The following ENTREP2 variants were observed in gnomAD, a reference collection of about 807,000 sequenced individuals.
ENTREP2 encodes the protein endosomal transmembrane epsin interactor 2, also known as protein ENTREP2.
chr15:29,293,507 T>C, the ENTREP2 span, among the ~76,000 whole-genome samples: 1,190 of 152,086 alleles, frequency 7.8e-3, 10 homozygotes, highest in African/African-American at 0.023. Flanking sequence ...CCGCCCGCCT[T>C]GGCCTCCCAA....
At chr15:29,124,859 G>T in the ENTREP2 span, 1 of 1,048,538 alleles carries the variant, frequency 9.5e-7, no homozygotes, top group Non-Finnish European at 1.4e-6. Context: ...TTTAGATGGC[G>T]AGCAAGCAGG....
chr15:29,606,775 T>G, the ENTREP2 span, among the ~76,000 whole-genome samples: 1 of 152,122 alleles, frequency 6.6e-6, no homozygotes, highest in South Asian at 2.1e-4. Context: ...GGATATATCT[T>G]GACAGCAGTC....
the ENTREP2 span, among the ~76,000 whole-genome samples, chr15:29,413,529 G>A: frequency 6.6e-6 from 1 of 152,114 alleles, no homozygotes; most frequent in African/African-American, 2.4e-5. Flanking sequence ...TATTAAAATG[G>A]CTCTGCCAAT....
chr15:29,155,150 C>T, the ENTREP2 span, among the ~76,000 whole-genome samples: 4 of 151,972 alleles, frequency 2.6e-5, no homozygotes, highest in African/African-American at 9.7e-5. Flanking sequence ...GGCGTGGTGG[C>T]CGGCGCCTGT....
At chr15:29,540,340 A>C in the ENTREP2 span, among the ~76,000 whole-genome samples, 1 of 152,100 alleles carries the variant, frequency 6.6e-6, no homozygotes, top group African/African-American at 2.4e-5. Context: ...ATTAGAACTT[A>C]TTTTTTTCTA....
the ENTREP2 span, among the ~76,000 whole-genome samples, chr15:29,428,307 G>A: frequency 6.6e-6 from 1 of 152,090 alleles, no homozygotes; most frequent in African/African-American, 2.4e-5. Flanking sequence ...GCTGCCCCAT[G>A]GGTTCAAGCG....
At chr15:29,274,879 T>G in the ENTREP2 span, among the ~76,000 whole-genome samples, 1 of 152,298 alleles carries the variant, frequency 6.6e-6, no homozygotes, top group East Asian at 1.9e-4. Flanking sequence ...TTATATTTGG[T>G]TGAACAAAGA....
chr15:29,573,658 C>CCTCT, the ENTREP2 span, among the ~76,000 whole-genome samples: 1 of 146,702 alleles, frequency 6.8e-6, no homozygotes, highest in Non-Finnish European at 1.5e-5. Flanking sequence ...TCTCTCTCTC[C>CCTCT]CTCTCTCTCT....
At chr15:29,334,053 A>G in the ENTREP2 span, among the ~76,000 whole-genome samples, 1 of 152,202 alleles carries the variant, frequency 6.6e-6, no homozygotes. Flanking sequence ...CACGCTGCCA[A>G]CACCTTGATC....
chr15:29,309,927 T>C, the ENTREP2 span, among the ~76,000 whole-genome samples: 1 of 152,094 alleles, frequency 6.6e-6, no homozygotes, highest in Non-Finnish European at 1.5e-5. Flanking sequence ...GACCTGGGCA[T>C]AGGACTGAGA....
At chr15:29,362,660 C>T in the ENTREP2 span, among the ~76,000 whole-genome samples, 3 of 152,092 alleles carry the variant, frequency 2.0e-5, no homozygotes, top group African/African-American at 7.2e-5. Flanking sequence ...CAGGCATGAG[C>T]CACCGCGTCC....
chr15:29,333,827 G>C, the ENTREP2 span, among the ~76,000 whole-genome samples: 1 of 152,038 alleles, frequency 6.6e-6, no homozygotes, highest in South Asian at 2.1e-4. Flanking sequence ...TATGACAGTA[G>C]GGGAGGCCCG....
chr15:29,463,858 T>C, the ENTREP2 span, among the ~76,000 whole-genome samples: 1 of 152,086 alleles, frequency 6.6e-6, no homozygotes, highest in Non-Finnish European at 1.5e-5. Context: ...AGACACACCA[T>C]GGAATATTAT....
the ENTREP2 span, among the ~76,000 whole-genome samples, chr15:29,349,425 G>C: frequency 6.6e-6 from 1 of 152,132 alleles, no homozygotes; most frequent in Non-Finnish European, 1.5e-5. Flanking sequence ...AATGAATTTT[G>C]GCTTTTTGCA....
At chr15:29,357,577 C>T in the ENTREP2 span, among the ~76,000 whole-genome samples, 1 of 152,134 alleles carries the variant, frequency 6.6e-6, no homozygotes, top group Non-Finnish European at 1.5e-5. Flanking sequence ...GTGGCTCACG[C>T]CTGTAATCCC....
the ENTREP2 span, among the ~76,000 whole-genome samples, chr15:29,300,807 C>T: frequency 6.6e-6 from 1 of 152,164 alleles, no homozygotes; most frequent in Non-Finnish European, 1.5e-5. Flanking sequence ...ACCATGTTAG[C>T]CAGACAGTCT....
the ENTREP2 span, among the ~76,000 whole-genome samples, chr15:29,343,441 C>T: frequency 6.6e-6 from 1 of 152,256 alleles, no homozygotes; most frequent in South Asian, 2.1e-4. Context: ...GAGTTTCCAG[C>T]CTGCAGAATT....
the ENTREP2 span, among the ~76,000 whole-genome samples, chr15:29,550,265 C>G: frequency 1.4e-4 from 22 of 151,988 alleles, no homozygotes; most frequent in Non-Finnish European, 2.6e-4. Flanking sequence ...CTTCCTAACA[C>G]TCACACAAAA....
At chr15:29,205,272 C>A in the ENTREP2 span, among the ~76,000 whole-genome samples, 1 of 152,190 alleles carries the variant, frequency 6.6e-6, no homozygotes, top group African/African-American at 2.4e-5. Context: ...AATAATGCTG[C>A]TATGAACATG....
Sources: allele counts gnomAD v4.1 joint callset (sites outside exome capture counted in the v4.1 genomes callset), GRCh38; gene constraint gnomAD v4.1.1; transcripts MANE v1.5; gene names NCBI Gene and HGNC (gene_info 2026-07-23, HGNC 2026-07-21).